Variants in SATB2 observed in about 807,000 individuals in gnomAD.
SATB2 encodes DNA-binding protein SATB2.
A neutral mutation model predicts 73.4 loss-of-function variants in SATB2; 1 was observed. The observed-to-expected ratio is 0.01, with a 90% CI of 0.00 to 0.06. The LOEUF is 0.06. Among genes scored for constraint, SATB2 ranks in the 10% least tolerant of loss-of-function variants. SATB2 has a pLI of 1.00. For synonymous variants in SATB2, 397 were observed against 367.0 expected (o/e 1.08, Z -0.93); for missense variants, 459 against 945.8 (o/e 0.49, Z 6.75).
upstream of SATB2, chr2:199,458,487 G>A (rs1430490377): frequency 2.8e-5 from 11 of 388,702 alleles, no homozygotes; most frequent in Admixed American, 5.9e-5. Flanking sequence ...CCAGCGGGTG[G>A]GTGCGTCTGG....
rs769072507 is a variant in SATB2, at chr2:199,323,964, A to G, written c.1387-6T>C. 7.0e-5 allele frequency: 113 copies of G among 1,613,202 alleles called. No individual in the cohort carries two copies. Among genetic ancestry groups the G allele is most frequent in the Non-Finnish European group, 9.1e-5 (107 of 1,179,442 alleles). On this transcript the variant is annotated splice_region_variant and splice_polypyrimidine_tract_variant and intron_variant, in intron 8 of 10. Transcript: ENST00000417098. The stretch of plus-strand genomic sequence containing the variant: ...GTCGGTGTCGAGGTTTTGGCCTACC[A>G]AGAGACCATGAAAATAATAATTTAA...
Position 199,269,778 on chromosome 2 carries a change from T to C in SATB2, c.*2433A>G, listed in dbSNP as rs781570019. 2.6e-5 allele frequency: 4 copies of C among 151,894 alleles called. No individual in the cohort carries two copies. Among genetic ancestry groups the C allele is most frequent in the Non-Finnish European group, 4.4e-5 (3 of 67,934 alleles). The allele number at this position is 151,894 out of a possible 1,614,324, so 9.4% of individuals were successfully genotyped here. A position where few individuals can be genotyped will look rare whatever the true frequency, so the allele number is the denominator to read the frequency against. On this transcript the variant is annotated 3_prime_UTR_variant, in exon 11 of 11. Coordinates refer to ENST00000417098, the MANE Select transcript of SATB2 (RefSeq NM_001172509.2). ...TTTCTTCTTCCAAATAGATATTATA[T>C]GACAGATATTGAATAAATAGACATA...
At chr2:199,376,592 A>T (rs1266176774) in intron 5 of SATB2, among the ~76,000 whole-genome samples, 1 of 152,200 alleles carries the variant, frequency 6.6e-6, no homozygotes, top group East Asian at 1.9e-4. Flanking sequence ...CTAAAAGGTT[A>T]AATTCCTGCA....
chr2:199,339,108 C>G (rs1470364273), intron 7 of SATB2, among the ~76,000 whole-genome samples: 1 of 151,974 alleles, frequency 6.6e-6, no homozygotes. Context: ...GCTAAATTAG[C>G]CTTCTCTATA....
intron 2 of SATB2, among the ~76,000 whole-genome samples, chr2:199,439,530 CTGTT>C (rs1691748222): frequency 6.6e-6 from 1 of 152,198 alleles, no homozygotes; most frequent in African/African-American, 2.4e-5. Context: ...AAAGAACAAT[CTGTT>C]TGAAATACTG....
intron 3 of SATB2, among the ~76,000 whole-genome samples, chr2:199,392,351 G>A (rs977146906): frequency 3.3e-5 from 5 of 151,726 alleles, no homozygotes. Flanking sequence ...AAGGTGCACT[G>A]TAACTGTGTT....
At position 199,456,014 on chromosome 2, in the gene SATB2, C is replaced by G. The variant is rs1269762328; in HGVS notation, c.24G>C (p.Pro8=). 2 of 1,537,366 alleles carry G rather than the reference C, an allele frequency of 1.3e-6. No homozygotes were observed. The highest frequency in any genetic ancestry group is 2.8e-5 in the African/African-American group (2 of 71,636). ...GCCGGTCGGGGCTGTCCCGCAGACA[C>G]GGGCTCTCGCTCCGCCGCTCCATGC... MERRSES[P]CLRDSPDRRS... Residue 8 remains proline (P), a synonymous_variant, in exon 2 of 11, where the codon CCG becomes CCC. Transcript: ENST00000417098.
At chr2:199,431,735 G>T (rs1201766704) in intron 3 of SATB2, among the ~76,000 whole-genome samples, 18 of 152,166 alleles carry the variant, frequency 1.2e-4, no homozygotes, top group Admixed American at 1.2e-3. Flanking sequence ...TATGTGCCAA[G>T]AATCAAATCT....
At chr2:199,348,583 A>T in intron 7 of SATB2, 118 bp downstream of exon 7, 1 of 802,050 alleles carries the variant, frequency 1.2e-6, no homozygotes. Context: ...ATTATTAATT[A>T]ATCTAATTCT....
At chr2:199,351,052 A>T (rs1298274380) in intron 6 of SATB2, among the ~76,000 whole-genome samples, 1 of 151,548 alleles carries the variant, frequency 6.6e-6, no homozygotes, top group African/African-American at 2.4e-5. Context: ...AAAAAAAGAA[A>T]ACCCGATTTC....
chr2:199,276,787 C>CA (rs1307051264), intron 10 of SATB2, among the ~76,000 whole-genome samples: 10 of 150,118 alleles, frequency 6.7e-5, no homozygotes, highest in South Asian at 4.2e-4. Flanking sequence ...AGTGGAGGGG[C>CA]AAAAAAAAAT....
chr2:199,433,610 A>G, intron 2 of SATB2, 96 bp from the exon 3 acceptor site: 2 of 1,139,116 alleles, frequency 1.8e-6, no homozygotes, highest in Non-Finnish European at 1.3e-6. Flanking sequence ...AAAGTCAGTC[A>G]TCTGTGATCG....
At chr2:199,421,135 C>T (rs1691154585) in intron 3 of SATB2, among the ~76,000 whole-genome samples, 1 of 152,046 alleles carries the variant, frequency 6.6e-6, no homozygotes, top group South Asian at 2.1e-4. Flanking sequence ...CAGAATGGAG[C>T]CAATGACACT....
At position 199,424,985 on chromosome 2, in the gene SATB2, ATCT is replaced by A. The variant is rs1256739906; in HGVS notation, c.346+8350_346+8352del. On this transcript the variant is annotated intron_variant, in intron 3 of 10. Transcript: ENST00000417098. ...GTTCCTTGAATGAAATCTGTACTAC[ATCT>A]TCTTAAACCACAAACAAACCTAGCT... Among the ~76,000 whole-genome samples the A allele has an allele frequency of 3.3e-5, 5 of 152,344 alleles. No homozygotes were observed. In the East Asian group the frequency reaches 9.6e-4, roughly 29 times the overall value.
chr2:199,449,299 A>C (rs2105948523), intron 2 of SATB2, among the ~76,000 whole-genome samples: 1 of 152,328 alleles, frequency 6.6e-6, no homozygotes, highest in Non-Finnish European at 1.5e-5. Flanking sequence ...AAGATACAGA[A>C]GTTGTAGAAT....
chr2:199,286,269 G>A (rs964742357), intron 10 of SATB2, among the ~76,000 whole-genome samples: 8 of 152,138 alleles, frequency 5.3e-5, no homozygotes, highest in Non-Finnish European at 1.2e-4. Flanking sequence ...AAATAGCTAT[G>A]AAGAGAGTAT....
intron 2 of SATB2, among the ~76,000 whole-genome samples, chr2:199,436,397 A>T (rs952119614): frequency 1.3e-5 from 2 of 152,068 alleles, no homozygotes. Flanking sequence ...GAAAGCATGC[A>T]ACAATCCCCT....
chr2:199,465,989 T>C (rs1266142951), upstream of SATB2, among the ~76,000 whole-genome samples: 1 of 152,222 alleles, frequency 6.6e-6, no homozygotes. Context: ...TCATATCTCC[T>C]GTATTTACAT....
chr2:199,323,771 C>G, intron 9 of SATB2, 32 bp downstream of exon 9: 1 of 1,609,474 alleles, frequency 6.2e-7, no homozygotes, highest in Non-Finnish European at 8.5e-7. Flanking sequence ...CTAATTCCAG[C>G]CCTCGATTTT....
Sources: allele counts gnomAD v4.1 joint callset (sites outside exome capture counted in the v4.1 genomes callset), GRCh38; gene constraint gnomAD v4.1.1; transcripts MANE v1.5; gene names NCBI Gene and HGNC (gene_info 2026-07-23, HGNC 2026-07-21).